The following EFHB variants were observed in gnomAD, a reference collection of about 807,000 sequenced individuals.
EFHB encodes the protein EF-hand domain family member B, also known as EF-hand domain-containing family member B.
A neutral mutation model predicts 87.2 loss-of-function variants in EFHB; 91 were observed. The ratio of observed to expected loss-of-function variants is 1.04; its 90% confidence interval spans 0.88 to 1.24. EFHB has a LOEUF of 1.24. Ranked by LOEUF, EFHB falls within the 50% of genes most tolerant of loss-of-function variation. The probability of loss-of-function intolerance (pLI) is 0.00; values close to 1 mark genes in which losing one functional copy is unlikely to be tolerated. For synonymous variants in EFHB, 325 were observed against 333.6 expected, an observed-to-expected ratio of 0.97 and a Z score of 0.28; for missense variants, 1,084 against 998.8, an observed-to-expected ratio of 1.09 and a Z score of -1.15.
At chr3:19,881,660 G>A (rs938934849) in intron 12 of EFHB, among the ~76,000 whole-genome samples, 1 of 152,042 alleles carries the variant, frequency 6.6e-6, no homozygotes, top group Non-Finnish European at 1.5e-5. Flanking sequence ...CTTCCTCTCT[G>A]TCCTGCGTCC....
chr3:19,941,908 C>CT, intron 1 of EFHB, among the ~76,000 whole-genome samples: 1 of 140,786 alleles, frequency 7.1e-6, no homozygotes, highest in South Asian at 2.3e-4. Flanking sequence ...AATCCCAGCA[C>CT]TTTGGGAGGC....
intron 5 of EFHB, 27 bp from the exon 6 acceptor site, chr3:19,905,776 G>T: frequency 6.3e-7 from 1 of 1,587,842 alleles, no homozygotes; most frequent in South Asian, 1.1e-5. Flanking sequence ...GAAGACTTAT[G>T]ACTTAAGCAA....
chr3:19,882,043 ATAAATAAATAAATAAATAAT>A (rs1308229537), intron 12 of EFHB, among the ~76,000 whole-genome samples: 104 of 140,902 alleles, frequency 7.4e-4, no homozygotes, highest in African/African-American at 2.0e-3. Context: ...AAATAAATAA[ATAAATAAATAAATAAATAAT>A]TAAATAAGAC....
At chr3:19,931,888 C>T (rs924871216) in intron 1 of EFHB, among the ~76,000 whole-genome samples, 13 of 152,176 alleles carry the variant, frequency 8.5e-5, no homozygotes, top group Non-Finnish European at 1.2e-4. Flanking sequence ...CACTGACCAC[C>T]TCATGTCAAT....
At chr3:19,910,329 C>T (rs1290355030) in intron 5 of EFHB, among the ~76,000 whole-genome samples, 1 of 151,974 alleles carries the variant, frequency 6.6e-6, no homozygotes. Flanking sequence ...TCCTCATGGC[C>T]TGGGGTGGCG....
intron 1 of EFHB, chr3:19,945,858 C>G (rs1252535301): frequency 6.6e-6 from 1 of 152,170 alleles, no homozygotes; most frequent in Non-Finnish European, 1.5e-5. Context: ...CCATAAGATA[C>G]CTTAACCCGG....
At chr3:19,936,674 C>T (rs1331591787), upstream of EFHB, among the ~76,000 whole-genome samples, 1 of 152,040 alleles carries the variant, frequency 6.6e-6, no homozygotes, top group Non-Finnish European at 1.5e-5. Flanking sequence ...TCGAGACCAG[C>T]CTGACCAACA....
intron 9 of EFHB, among the ~76,000 whole-genome samples, chr3:19,894,183 C>T (rs994650717): frequency 2.6e-5 from 4 of 152,224 alleles, no homozygotes; most frequent in Non-Finnish European, 4.4e-5. Flanking sequence ...TGTTCAACAA[C>T]TGACTTTTTG....
intron 10 of EFHB, among the ~76,000 whole-genome samples, chr3:19,884,915 T>TAAAAA (rs1306907125): frequency 1.4e-5 from 2 of 139,492 alleles, no homozygotes. Flanking sequence ...TTTCTTTTCT[T>TAAAAA]AAAAAAAAAA....
intron 1 of EFHB, among the ~76,000 whole-genome samples, chr3:19,943,970 A>G (rs1559481732): frequency 6.6e-6 from 1 of 152,262 alleles, no homozygotes; most frequent in Non-Finnish European, 1.5e-5. Flanking sequence ...CAAAGCATTT[A>G]GAATTAGTGG....
At chr3:19,935,422 C>T (rs576989895), upstream of EFHB, among the ~76,000 whole-genome samples, 2 of 152,118 alleles carry the variant, frequency 1.3e-5, no homozygotes, top group Admixed American at 1.3e-4. Context: ...GGAATTTGAA[C>T]TGAATTAGGC....
Position 19,898,973 on chromosome 3 carries a change from A to G in EFHB, c.1503-128T>C, listed in dbSNP as rs1236952099. The G allele has an allele frequency of 3.7e-6, 3 of 816,110 alleles. No individual in the cohort carries two copies. In the Admixed American group the frequency reaches 8.3e-5, roughly 23 times the overall value. The allele number at this position is 816,110 out of a possible 1,614,324, so 50.6% of individuals were successfully genotyped here. A position where few individuals can be genotyped will look rare whatever the true frequency, so the allele number is the denominator to read the frequency against. ...ATAACCAAACTATGAAGATCAAACA[A>G]AAGTTCTCCAATAGATCTTTTGTCT... On this transcript the variant is annotated intron_variant, in intron 7 of 12. Transcript: ENST00000295824.
intron 1 of EFHB, among the ~76,000 whole-genome samples, chr3:19,921,327 T>C (rs1274126839): frequency 1.3e-5 from 2 of 152,066 alleles, no homozygotes; most frequent in Non-Finnish European, 2.9e-5. Context: ...GAGACTGTCT[T>C]GCTGACATCT....
At chr3:19,919,745 G>A in intron 3 of EFHB, 88 bp downstream of exon 3, 1 of 1,294,224 alleles carries the variant, frequency 7.7e-7, no homozygotes, top group South Asian at 1.4e-5. Context: ...GAAGGAGATT[G>A]GAACTGATGA....
At chr3:19,925,011 C>T (rs374635978) in intron 1 of EFHB, among the ~76,000 whole-genome samples, 1 of 151,878 alleles carries the variant, frequency 6.6e-6, no homozygotes, top group African/African-American at 2.4e-5. Flanking sequence ...TTTGGGAAGC[C>T]GAGGTGGGCG....
At position 19,905,611 on chromosome 3, in the gene EFHB, T is replaced by C. The variant is rs772990199; in HGVS notation, c.1418+9A>G. 8 of 1,612,822 alleles carry C rather than the reference T, an allele frequency of 5.0e-6. No homozygotes were observed. In the South Asian group the frequency reaches 8.8e-5, roughly 18 times the overall value. On this transcript the variant is annotated intron_variant, in intron 6 of 12. Coordinates refer to ENST00000295824, the MANE Select transcript of EFHB (RefSeq NM_144715.4). ...CACTTGTTCCTGGGCACAGTATAAT[T>C]AAACTTACATTTGTAGTTCATGGAG...
intron 1 of EFHB, among the ~76,000 whole-genome samples, chr3:19,931,899 G>A (rs1406290645): frequency 6.6e-6 from 1 of 152,174 alleles, no homozygotes; most frequent in Non-Finnish European, 1.5e-5. Flanking sequence ...TCATGTCAAT[G>A]TTTCCCAAGA....
At chr3:19,914,424 T>C (rs1048574115) in intron 5 of EFHB, among the ~76,000 whole-genome samples, 1 of 152,308 alleles carries the variant, frequency 6.6e-6, no homozygotes, top group Admixed American at 6.5e-5. Context: ...ATCAACATAC[T>C]GGCAATTGAG....
upstream of EFHB, among the ~76,000 whole-genome samples, chr3:19,939,201 C>T (rs1696091879): frequency 6.6e-6 from 1 of 151,816 alleles, no homozygotes; most frequent in Admixed American, 6.6e-5. Flanking sequence ...TCAACATGCC[C>T]AGCCTACTTT....
Sources: gnomAD v4.1 joint callset for allele counts (sites outside exome capture counted in the v4.1 genomes callset) on GRCh38, gnomAD v4.1.1 for gene constraint, MANE v1.5 for transcripts, NCBI Gene and HGNC (gene_info 2026-07-23, HGNC 2026-07-21) for gene names.